EYS: variants seen among roughly 807,000 people sequenced by gnomAD.
EYS encodes protein eyes shut homolog.
In EYS, 250 loss-of-function variants were observed where a neutral mutation model predicts 282.1. The observed-to-expected ratio is 0.89, with a 90% CI of 0.80 to 0.98. EYS has a LOEUF of 0.98. Ranked by LOEUF, EYS falls within the 50% of genes least tolerant of loss-of-function variation. The pLI is 0.00. For synonymous variants in EYS, 1,355 were observed against 1,282.9 expected (o/e 1.06, Z -1.20); for missense variants, 4,016 against 3,709.0 (o/e 1.08, Z -2.15).
At chr6:64,551,160 ATG>A (rs1765066324) in intron 26 of EYS, among the ~76,000 whole-genome samples, 1 of 149,580 alleles carries the variant, frequency 6.7e-6, no homozygotes, top group Non-Finnish European at 1.5e-5. Flanking sequence ...ATATACATAT[ATG>A]TGTATATACA....
intron 16 of EYS, among the ~76,000 whole-genome samples, chr6:64,905,620 C>T (rs1767804208): frequency 6.6e-6 from 1 of 152,108 alleles, no homozygotes; most frequent in Non-Finnish European, 1.5e-5. Context: ...ACCTACTGCT[C>T]AAATGTAAGA....
intron 29 of EYS, among the ~76,000 whole-genome samples, chr6:64,380,743 C>T (rs549277392): frequency 1.3e-5 from 2 of 152,180 alleles, no homozygotes; most frequent in South Asian, 2.1e-4. Context: ...TATGGCCGAG[C>T]AGGGTGGCTC....
In EYS at chr6:65,295,937, G is replaced by A. The variant is rs1400774007; in HGVS notation, c.1949C>T (p.Ala650Val). ...CEIDTEDCKS[A>V]SCKNGTTSTH... ...ACTAGTTGTTCCATTTTTGCAGGAC[G>A]CAGATTTGCAGTCTTCAGTATCTAT... The change falls in exon 12 of 43, where the codon GCG becomes GTG. Residue 650 changes from alanine to valine, a missense_variant. Coordinates refer to ENST00000503581, the MANE Select transcript of EYS (RefSeq NM_001142800.2). The A allele has an allele frequency of 1.3e-6, 2 of 1,550,514 alleles. No individual in the cohort carries two copies. Among genetic ancestry groups the A allele is most frequent in the Non-Finnish European group, 8.7e-7 (1 of 1,146,236 alleles).
chr6:65,538,225 T>C (rs112778539), intron 2 of EYS, among the ~76,000 whole-genome samples: 5 of 152,248 alleles, frequency 3.3e-5, no homozygotes, highest in African/African-American at 1.2e-4. Context: ...TAAATGTCTT[T>C]AGGAGAATTA....
intron 1 of EYS, among the ~76,000 whole-genome samples, chr6:65,684,322 T>G (rs564582591): frequency 6.6e-6 from 1 of 152,114 alleles, no homozygotes; most frequent in East Asian, 1.9e-4. Context: ...TTTAATGGAT[T>G]ATTTGAAGGG....
intron 31 of EYS, among the ~76,000 whole-genome samples, chr6:64,197,299 G>A (rs1287657192): frequency 6.6e-6 from 1 of 152,000 alleles, no homozygotes; most frequent in Non-Finnish European, 1.5e-5. Context: ...GAAATTTCCA[G>A]TTTACCCTTA....
At chr6:64,943,950 C>T (rs1456317463) in intron 15 of EYS, among the ~76,000 whole-genome samples, 1 of 152,092 alleles carries the variant, frequency 6.6e-6, no homozygotes, top group Non-Finnish European at 1.5e-5. Flanking sequence ...TGACTTCAAA[C>T]TATACGTAAG....
intron 26 of EYS, among the ~76,000 whole-genome samples, chr6:64,462,828 CT>C (rs1162221033): frequency 1.3e-5 from 2 of 151,716 alleles, no homozygotes; most frequent in Admixed American, 1.3e-4. Context: ...ATTTCATTAT[CT>C]TTAACTGGAA....
intron 22 of EYS, among the ~76,000 whole-genome samples, chr6:64,634,247 G>T (rs1169950189): frequency 6.6e-6 from 1 of 152,182 alleles, no homozygotes; most frequent in African/African-American, 2.4e-5. Context: ...CTCCCAAAGT[G>T]TTGGGATTAC....
intron 22 of EYS, among the ~76,000 whole-genome samples, chr6:64,784,029 A>G (rs1773942216): frequency 6.6e-6 from 1 of 152,130 alleles, no homozygotes; most frequent in African/African-American, 2.4e-5. Flanking sequence ...GTTTATGTAC[A>G]TATTTTGAAG....
rs1410752806 is a variant in EYS at position 64,865,576 on chromosome 6, A to T, written c.2992+21121T>A. Among the ~76,000 whole-genome samples the T allele has an allele frequency of 3.3e-5, 5 of 152,180 alleles. No homozygotes were observed. The East Asian group carries it at 9.6e-4, about 29-fold the overall frequency. The stretch of plus-strand genomic sequence containing the variant: ...AAAGTTGTCAGTGTCCAAGTCTTAT[A>T]AGCCTTTTCAGTCATGTTAAGAAAT... On this transcript the variant is annotated intron_variant, in intron 19 of 42. Coordinates refer to ENST00000503581, the MANE Select transcript of EYS (RefSeq NM_001142800.2).
intron 26 of EYS, among the ~76,000 whole-genome samples, chr6:64,523,179 A>G (rs1777811766): frequency 6.6e-6 from 1 of 151,698 alleles, no homozygotes; most frequent in African/African-American, 2.4e-5. Flanking sequence ...GTCTTCCTAG[A>G]AGCTGATTGA....
chr6:65,690,535 G>A (rs936338963), intron 1 of EYS, among the ~76,000 whole-genome samples: 6 of 149,960 alleles, frequency 4.0e-5, no homozygotes, highest in Non-Finnish European at 7.4e-5. Flanking sequence ...CTCTGCAGGC[G>A]GAAGCACATC....
chr6:64,959,820 A>C (rs986376472), intron 14 of EYS, among the ~76,000 whole-genome samples: 2 of 152,096 alleles, frequency 1.3e-5, no homozygotes, highest in African/African-American at 4.8e-5. Context: ...CTGAGTAACA[A>C]AACTATGTTG....
At chr6:65,448,252 C>A (rs1451833150) in intron 5 of EYS, among the ~76,000 whole-genome samples, 1 of 152,016 alleles carries the variant, frequency 6.6e-6, no homozygotes, top group Non-Finnish European at 1.5e-5. Context: ...CACTGCACGG[C>A]ATTAAGGGCC....
intron 28 of EYS, among the ~76,000 whole-genome samples, chr6:64,392,463 A>G (rs898865768): frequency 6.6e-6 from 1 of 151,486 alleles, no homozygotes; most frequent in African/African-American, 2.4e-5. Context: ...AGAACTCAGG[A>G]CTAAGAAACT....
chr6:64,467,457 G>T (rs1370735477), intron 26 of EYS, among the ~76,000 whole-genome samples: 1 of 152,130 alleles, frequency 6.6e-6, no homozygotes, highest in Non-Finnish European at 1.5e-5. Context: ...TTGCTTATAT[G>T]TACTAGGAAG....
intron 5 of EYS, among the ~76,000 whole-genome samples, chr6:65,440,683 C>A (rs1363225196): frequency 6.6e-6 from 1 of 151,194 alleles, no homozygotes; most frequent in Non-Finnish European, 1.5e-5. Flanking sequence ...TGTACTCACA[C>A]CATATACTTC....
intron 29 of EYS, chr6:64,379,558 T>C (rs1343149884): frequency 6.6e-6 from 1 of 152,170 alleles, no homozygotes; most frequent in Non-Finnish European, 1.5e-5. Context: ...TGTTATTATA[T>C]GGTTTTGTTG....
Sources: gnomAD v4.1 joint callset for allele counts (sites outside exome capture counted in the v4.1 genomes callset) on GRCh38, gnomAD v4.1.1 for gene constraint, MANE v1.5 for transcripts, NCBI Gene and HGNC (gene_info 2026-07-23, HGNC 2026-07-21) for gene names.